The following UBE2E3 variants were observed in gnomAD, a reference collection of about 807,000 sequenced individuals.
UBE2E3 encodes ubiquitin-conjugating enzyme E2 E3.
In UBE2E3, 5 loss-of-function variants were observed where a neutral mutation model predicts 23.6. The observed-to-expected ratio is 0.21, with a 90% CI of 0.11 to 0.44. UBE2E3 has a LOEUF of 0.44. Among genes scored for constraint, UBE2E3 ranks in the 20% least tolerant of loss-of-function variants. UBE2E3 has a pLI of 0.99. For synonymous variants in UBE2E3, 78 were observed against 87.5 expected, an observed-to-expected ratio of 0.89 and a Z score of 0.60; for missense variants, 81 against 249.8, an observed-to-expected ratio of 0.32 and a Z score of 4.55.
chr2:181,028,634 C>T (rs191650593), intron 3 of UBE2E3, among the ~76,000 whole-genome samples: 2 of 146,676 alleles, frequency 1.4e-5, no homozygotes, highest in African/African-American at 4.8e-5. Flanking sequence ...TTTTAATTTG[C>T]ATTTCCTAAT....
intron 3 of UBE2E3, among the ~76,000 whole-genome samples, chr2:181,042,626 G>A (rs1473066511): frequency 6.6e-6 from 1 of 152,114 alleles, no homozygotes; most frequent in East Asian, 1.9e-4. Context: ...GTTCTGCCAC[G>A]TATTAGCTCT....
chr2:180,981,887 G>A (rs1684304884), intron 1 of UBE2E3, 131 bp from the exon 2 acceptor site: 1 of 674,408 alleles, frequency 1.5e-6, no homozygotes, highest in Non-Finnish European at 2.5e-6. Context: ...CCTGTTGTAC[G>A]ATGAAATAAG....
chr2:181,000,788 G>A (rs1044283676), intron 3 of UBE2E3, among the ~76,000 whole-genome samples: 5 of 152,088 alleles, frequency 3.3e-5, no homozygotes, highest in South Asian at 2.1e-4. Context: ...TCTCCTGATC[G>A]TGTGATCCGA....
chr2:180,984,848 G>A (rs1445912248), intron 3 of UBE2E3, among the ~76,000 whole-genome samples: 1 of 151,796 alleles, frequency 6.6e-6, no homozygotes, highest in Non-Finnish European at 1.5e-5. Context: ...CATTTGTATA[G>A]CGCTCTATTC....
chr2:181,017,949 G>A (rs897235722), intron 3 of UBE2E3, among the ~76,000 whole-genome samples: 4 of 151,270 alleles, frequency 2.6e-5, no homozygotes, highest in Non-Finnish European at 4.4e-5. Flanking sequence ...AGTCTTCTGA[G>A]CGTGACTCTC....
intron 3 of UBE2E3, among the ~76,000 whole-genome samples, chr2:181,048,833 G>A (rs1450484133): frequency 2.0e-5 from 3 of 152,052 alleles, no homozygotes; most frequent in Non-Finnish European, 4.4e-5. Context: ...TATTACAGAA[G>A]CTACCTGTGT....
chr2:180,995,746 T>C (rs548852086), intron 3 of UBE2E3, among the ~76,000 whole-genome samples: 5 of 152,090 alleles, frequency 3.3e-5, no homozygotes, highest in Non-Finnish European at 7.4e-5. Context: ...TGGATTTTTT[T>C]TTTTTTTTCT....
chr2:181,001,471 C>T (rs1684990409), intron 3 of UBE2E3, among the ~76,000 whole-genome samples: 1 of 151,896 alleles, frequency 6.6e-6, no homozygotes, highest in Non-Finnish European at 1.5e-5. Context: ...GGTGGGACAT[C>T]AAGAAGTGGA....
chr2:180,982,682 A>G (rs1184718584), intron 2 of UBE2E3, among the ~76,000 whole-genome samples: 2 of 152,216 alleles, frequency 1.3e-5, no homozygotes, highest in Admixed American at 1.3e-4. Flanking sequence ...TTGCAAATTC[A>G]GGCCTTTGCT....
At chr2:181,045,677 C>T (rs1003629876) in intron 3 of UBE2E3, among the ~76,000 whole-genome samples, 8 of 152,130 alleles carry the variant, frequency 5.3e-5, no homozygotes, top group Admixed American at 5.2e-4. Flanking sequence ...CAGGTGATTA[C>T]ATTTGGCAGC....
At chr2:181,041,292 C>T (rs1006550663) in intron 3 of UBE2E3, among the ~76,000 whole-genome samples, 4 of 147,166 alleles carry the variant, frequency 2.7e-5, no homozygotes, top group Non-Finnish European at 3.0e-5. Flanking sequence ...TGTCAAATAG[C>T]GCTTGAACCA....
At chr2:180,981,009 G>T (rs1400686727) in intron 1 of UBE2E3, 36 bp downstream of exon 1, 1 of 146,918 alleles carries the variant, frequency 6.8e-6, no homozygotes, top group East Asian at 2.0e-4. Flanking sequence ...CGTGGGGGGC[G>T]GCCGGGGCGG....
At chr2:181,045,372 GT>G (rs1420948225) in intron 3 of UBE2E3, among the ~76,000 whole-genome samples, 1 of 152,186 alleles carries the variant, frequency 6.6e-6, no homozygotes, top group African/African-American at 2.4e-5. Context: ...ATGTTAATGA[GT>G]TTTGGCAAAA....
At chr2:180,996,356 A>G (rs1473310336) in intron 3 of UBE2E3, among the ~76,000 whole-genome samples, 1 of 152,196 alleles carries the variant, frequency 6.6e-6, no homozygotes, top group Non-Finnish European at 1.5e-5. Context: ...GATCTTTATT[A>G]TAACTATAGG....
At chr2:181,028,701 C>CT (rs1016975222) in intron 3 of UBE2E3, among the ~76,000 whole-genome samples, 73 of 151,618 alleles carry the variant, frequency 4.8e-4, no homozygotes, top group African/African-American at 1.7e-3. Flanking sequence ...TGTGAAATGC[C>CT]TTTTTTTTGT....
chr2:181,008,499 A>G (rs577219295), intron 3 of UBE2E3, among the ~76,000 whole-genome samples: 2 of 152,334 alleles, frequency 1.3e-5, no homozygotes, highest in East Asian at 3.9e-4. Flanking sequence ...GATGCTTCGT[A>G]TGTGCATTTC....
chr2:180,999,035 G>A (rs893082147), intron 3 of UBE2E3, among the ~76,000 whole-genome samples: 1 of 152,042 alleles, frequency 6.6e-6, no homozygotes, highest in Non-Finnish European at 1.5e-5. Flanking sequence ...AAGAAAAGAT[G>A]GGAAGCTACC....
chr2:181,019,848 G>A lies in UBE2E3; in HGVS notation c.245+35755G>A, dbSNP rs1184297962. Among the ~76,000 whole-genome samples, 3 of 150,812 alleles carry A rather than the reference G, an allele frequency of 2.0e-5. No homozygotes were observed. The East Asian group carries it at 5.8e-4, about 29-fold the overall frequency. On this transcript the variant is annotated intron_variant, in intron 3 of 5. Coordinates refer to ENST00000410062, the MANE Select transcript of UBE2E3 (RefSeq NM_006357.4). ...CTTTTAATTTTTTTCTTTTTTTTGT[G>A]GTGAGAACATTTAAGATCTACTTTC...
At chr2:180,985,266 A>C (rs1011905421) in intron 3 of UBE2E3, among the ~76,000 whole-genome samples, 2 of 152,204 alleles carry the variant, frequency 1.3e-5, no homozygotes, top group African/African-American at 2.4e-5. Flanking sequence ...GTATTACTTA[A>C]GAGCTATGCT....
Sources: allele counts gnomAD v4.1 joint callset (sites outside exome capture counted in the v4.1 genomes callset), GRCh38; gene constraint gnomAD v4.1.1; transcripts MANE v1.5; gene names NCBI Gene and HGNC (gene_info 2026-07-23, HGNC 2026-07-21).